CACNA2D3: variants seen among roughly 807,000 people sequenced by gnomAD.
The protein encoded by CACNA2D3 is calcium voltage-gated channel auxiliary subunit alpha2delta 3.
In CACNA2D3, 60 loss-of-function variants were observed where a neutral mutation model predicts 160.6. The observed-to-expected ratio is 0.37, with a 90% CI of 0.30 to 0.46. The LOEUF is 0.46. Ranked by LOEUF, CACNA2D3 falls within the 20% of genes least tolerant of loss-of-function variation. The pLI is 1.00. For synonymous variants in CACNA2D3, 558 were observed against 492.9 expected, an observed-to-expected ratio of 1.13 and a Z score of -1.75; for missense variants, 1,205 against 1,365.0, an observed-to-expected ratio of 0.88 and a Z score of 1.85.
chr3:54,231,820 A>G (rs571766031), intron 2 of CACNA2D3, among the ~76,000 whole-genome samples: 48 of 150,034 alleles, frequency 3.2e-4, no homozygotes, highest in African/African-American at 1.1e-3. Flanking sequence ...AGAGGCAGAC[A>G]GCTGCTCACT....
chr3:54,124,568 A>G (rs969549177), intron 2 of CACNA2D3, among the ~76,000 whole-genome samples: 10 of 152,354 alleles, frequency 6.6e-5, no homozygotes, highest in African/African-American at 2.4e-4. Context: ...GGGCCAATGT[A>G]CCATATGTGT....
chr3:54,937,247 G>A (rs1330615909), intron 27 of CACNA2D3, among the ~76,000 whole-genome samples: 1 of 152,154 alleles, frequency 6.6e-6, no homozygotes, highest in African/African-American at 2.4e-5. Context: ...TCTGTGTTTG[G>A]GAATGTCATA....
intron 11 of CACNA2D3, among the ~76,000 whole-genome samples, chr3:54,731,245 ATAT>A (rs1260328488): frequency 5.9e-5 from 9 of 152,210 alleles, no homozygotes; most frequent in Non-Finnish European, 1.2e-4. Context: ...ATTAGGAAAG[ATAT>A]TATGCAAAGT....
intron 34 of CACNA2D3, among the ~76,000 whole-genome samples, chr3:55,012,763 A>G (rs138929097): frequency 2.2e-4 from 33 of 152,096 alleles, no homozygotes; most frequent in Admixed American, 3.9e-4. Context: ...GAAATATCCC[A>G]CTCAAAGTAT....
intron 9 of CACNA2D3, among the ~76,000 whole-genome samples, chr3:54,602,748 G>T (rs1026455284): frequency 1.3e-5 from 2 of 152,174 alleles, no homozygotes; most frequent in African/African-American, 2.4e-5. Context: ...TTATGATAGA[G>T]ATTTTTGAAG....
intron 17 of CACNA2D3, among the ~76,000 whole-genome samples, chr3:54,870,003 CG>C (rs1207913292): frequency 6.6e-6 from 1 of 152,100 alleles, no homozygotes; most frequent in Non-Finnish European, 1.5e-5. Flanking sequence ...GTGGGCTCAC[CG>C]TTGATCAGGG....
At chr3:54,536,967 A>G (rs1701899109) in intron 5 of CACNA2D3, among the ~76,000 whole-genome samples, 2 of 152,218 alleles carry the variant, frequency 1.3e-5, no homozygotes, top group South Asian at 4.1e-4. Context: ...GCCAGGCGCC[A>G]GGCAGACTGT....
At chr3:54,952,389 T>C (rs924277573) in intron 27 of CACNA2D3, among the ~76,000 whole-genome samples, 13 of 152,174 alleles carry the variant, frequency 8.5e-5, no homozygotes, top group African/African-American at 2.7e-4. Flanking sequence ...ATGAAGGGTC[T>C]GGAGGCTCTG....
At chr3:54,656,798 C>T (rs989997009) in intron 11 of CACNA2D3, among the ~76,000 whole-genome samples, 63 of 152,212 alleles carry the variant, frequency 4.1e-4, no homozygotes, top group Admixed American at 1.3e-4. Context: ...AGCAGAGTAA[C>T]CCTTCCCCCT....
chr3:54,681,653 T>C (rs952997504), intron 11 of CACNA2D3, among the ~76,000 whole-genome samples: 4 of 152,028 alleles, frequency 2.6e-5, no homozygotes, highest in Non-Finnish European at 5.9e-5. Context: ...AGAAAAGTAT[T>C]TTAACATTTA....
rs139614871 is a variant in CACNA2D3, at chr3:54,488,076, G to A, written c.382-15416G>A. ...AATAGGCTTCGAGGCAGGATGAACA[G>A]TAAATGCAAACATTCTGAAATGGTA... On this transcript the variant is annotated intron_variant, in intron 4 of 37. Transcript: ENST00000474759. Among the ~76,000 whole-genome samples, 255 of 152,360 alleles carry A rather than the reference G, an allele frequency of 1.7e-3. 3 individuals are homozygous for A. Among genetic ancestry groups the A allele is most frequent in the African/African-American group, 4.7e-3 (195 of 41,588 alleles).
intron 2 of CACNA2D3, among the ~76,000 whole-genome samples, chr3:54,281,660 C>T (rs149638059): frequency 6.6e-5 from 10 of 152,318 alleles, no homozygotes; most frequent in Admixed American, 1.3e-4. Context: ...TGATGTCTTC[C>T]TGCCTCTGCA....
chr3:54,969,251 C>G (rs1202606416), intron 28 of CACNA2D3, among the ~76,000 whole-genome samples: 1 of 140,888 alleles, frequency 7.1e-6, no homozygotes, highest in Non-Finnish European at 1.5e-5. Flanking sequence ...TTAATGACAA[C>G]ATAAAGTAGA....
At chr3:54,679,433 C>T (rs569747005) in intron 11 of CACNA2D3, among the ~76,000 whole-genome samples, 1 of 152,330 alleles carries the variant, frequency 6.6e-6, no homozygotes, top group South Asian at 2.1e-4. Context: ...GAGGCAGCGA[C>T]TGAGCACTCC....
chr3:54,486,580 C>T (rs1228056712), intron 4 of CACNA2D3, among the ~76,000 whole-genome samples: 2 of 152,226 alleles, frequency 1.3e-5, no homozygotes. Flanking sequence ...AAACTTTACT[C>T]TTCCTTGCCA....
chr3:54,444,051 G>A (rs1274647523), intron 4 of CACNA2D3, among the ~76,000 whole-genome samples: 2 of 152,094 alleles, frequency 1.3e-5, no homozygotes, highest in African/African-American at 2.4e-5. Flanking sequence ...GTGGAGACCC[G>A]GGCCACATTT....
intron 17 of CACNA2D3, among the ~76,000 whole-genome samples, chr3:54,850,296 C>T (rs1352699253): frequency 6.6e-6 from 1 of 152,152 alleles, no homozygotes; most frequent in Non-Finnish European, 1.5e-5. Flanking sequence ...GGGACAGACA[C>T]CTGTTCTCAA....
At chr3:54,231,094 G>T (rs1701761975) in intron 2 of CACNA2D3, among the ~76,000 whole-genome samples, 1 of 152,202 alleles carries the variant, frequency 6.6e-6, no homozygotes, top group Non-Finnish European at 1.5e-5. Flanking sequence ...GTGAGCCGGG[G>T]TGTGGTGGTC....
intron 2 of CACNA2D3, among the ~76,000 whole-genome samples, chr3:54,250,817 A>G (rs985418882): frequency 6.6e-6 from 1 of 152,238 alleles, no homozygotes; most frequent in Admixed American, 6.5e-5. Context: ...AAGGACAAGA[A>G]GCAAATGAAC....
Sources: gnomAD v4.1 joint callset for allele counts (sites outside exome capture counted in the v4.1 genomes callset) on GRCh38, gnomAD v4.1.1 for gene constraint, MANE v1.5 for transcripts, NCBI Gene and HGNC (gene_info 2026-07-23, HGNC 2026-07-21) for gene names.